The following PTPRD variants were observed in gnomAD, a reference collection of about 807,000 sequenced individuals.
PTPRD encodes the protein receptor-type tyrosine-protein phosphatase delta.
Under a neutral mutation model 214.5 loss-of-function variants are expected in PTPRD, and 34 were observed. The ratio of observed to expected loss-of-function variants is 0.16; its 90% CI spans 0.12 to 0.21. The LOEUF is 0.21. Among genes scored for constraint, PTPRD ranks in the 10% least tolerant of loss-of-function variants. The probability of loss-of-function intolerance (pLI) is 1.00; values close to 1 mark genes in which losing one functional copy is unlikely to be tolerated. For synonymous variants in PTPRD, 1,128 were observed against 845.7 expected (o/e 1.33, Z -5.79); for missense variants, 2,545 against 2,398.7 (o/e 1.06, Z -1.27).
At chr9:10,016,017 C>T (rs2096704412) in intron 4 of PTPRD, among the ~76,000 whole-genome samples, 1 of 152,124 alleles carries the variant, frequency 6.6e-6, no homozygotes, top group Non-Finnish European at 1.5e-5. Context: ...GAGGCAGGTA[C>T]CAGGCTACAA....
chr9:8,596,275 T>C (rs1193416182), intron 14 of PTPRD, among the ~76,000 whole-genome samples: 5 of 152,180 alleles, frequency 3.3e-5, no homozygotes, highest in Admixed American at 2.6e-4. Context: ...ATGGATTATA[T>C]GGATATATGG....
At chr9:9,333,384 G>C (rs1008133108) in intron 9 of PTPRD, among the ~76,000 whole-genome samples, 1 of 151,020 alleles carries the variant, frequency 6.6e-6, no homozygotes, top group African/African-American at 2.4e-5. Context: ...TAAAGACAGA[G>C]AGAGTATGGA....
chr9:9,699,915 C>G (rs989936034), intron 7 of PTPRD, among the ~76,000 whole-genome samples: 3 of 152,108 alleles, frequency 2.0e-5, no homozygotes, highest in African/African-American at 7.2e-5. Context: ...TGAGATAACC[C>G]TGTACAGCAG....
In PTPRD at chr9:10,181,942, TAAAAAAAAAAAAAA is replaced by T. The variant is rs3075573; in HGVS notation, c.-544-148166_-544-148153del. Among the ~76,000 whole-genome samples, 2 of 38,512 alleles carry T rather than the reference TAAAAAAAAAAAAAA, an allele frequency of 5.2e-5. 1 individual carries two copies. The highest frequency in any genetic ancestry group is 1.1e-4 in the Non-Finnish European group (2 of 17,974). The allele number at this position is 38,512 out of a possible 152,430, so 25.3% of individuals were successfully genotyped here. A position where few individuals can be genotyped will look rare whatever the true frequency, so the allele number is the denominator to read the frequency against. On this transcript the variant is annotated intron_variant, in intron 3 of 45. Coordinates refer to ENST00000381196, the MANE Select transcript of PTPRD (RefSeq NM_002839.4). ...AAATATGACTATGTATCATAAATAC[TAAAAAAAAAAAAAA>T]AAAAAAAAAAAAGGAATGGCTGGGT...
chr9:9,042,734 C>G (rs1406039545), intron 10 of PTPRD, among the ~76,000 whole-genome samples: 1 of 146,792 alleles, frequency 6.8e-6, no homozygotes, highest in African/African-American at 2.5e-5. Context: ...TGACCATATT[C>G]TAAAGAAGTT....
chr9:10,509,832 A>G (rs949256780), intron 2 of PTPRD, among the ~76,000 whole-genome samples: 6 of 151,754 alleles, frequency 4.0e-5, no homozygotes, highest in Admixed American at 1.3e-4. Flanking sequence ...ATATGCATGT[A>G]TACCAACTCA....
Position 10,339,730 on chromosome 9 carries a change from T to G in PTPRD, c.-545+1233A>C, listed in dbSNP as rs1485809577. On this transcript the variant is annotated intron_variant, in intron 3 of 45. Transcript: ENST00000381196. ...AGAAGTCCTGTTATCTTTAAGAGAT[T>G]AACAGGAAACCTTGGTCTCATTATT... 2.0e-5 allele frequency among the ~76,000 whole-genome samples: 3 copies of G among 151,786 alleles called. No individual in the cohort carries two copies. In the East Asian group the frequency reaches 5.8e-4, roughly 30 times the overall value.
rs201231262 is a variant in PTPRD, at chr9:10,236,834, T to G, written c.-545+104129A>C. 1.7e-4 allele frequency among the ~76,000 whole-genome samples: 26 copies of G among 152,090 alleles called. No individual in the cohort carries two copies. In the East Asian group the frequency reaches 4.5e-3, roughly 26 times the overall value. On this transcript the variant is annotated intron_variant, in intron 3 of 45. Coordinates refer to ENST00000381196, the MANE Select transcript of PTPRD (RefSeq NM_002839.4). ...CATAATCCAGTAACTATGTACAATATTTTAATATTTTAAGGTTAATTTTTG... is the reference window on the plus strand; with the variant it reads ...CATAATCCAGTAACTATGTACAATAGTTTAATATTTTAAGGTTAATTTTTG...
intron 10 of PTPRD, among the ~76,000 whole-genome samples, chr9:9,044,779 A>G (rs1467506697): frequency 6.6e-6 from 1 of 151,912 alleles, no homozygotes; most frequent in African/African-American, 2.4e-5. Flanking sequence ...CCTTTTTTCC[A>G]TTTATTTTTC....
chr9:9,459,689 T>G (rs557157143), intron 8 of PTPRD, among the ~76,000 whole-genome samples: 1 of 152,080 alleles, frequency 6.6e-6, no homozygotes, highest in African/African-American at 2.4e-5. Context: ...AGGAAAGAAA[T>G]CACAGATGTC....
At chr9:10,522,119 T>G (rs1164825636) in intron 2 of PTPRD, among the ~76,000 whole-genome samples, 3 of 152,268 alleles carry the variant, frequency 2.0e-5, no homozygotes, top group Admixed American at 6.5e-5. Context: ...GGTACCTGAC[T>G]TCAAATACCG....
intron 12 of PTPRD, among the ~76,000 whole-genome samples, chr9:8,686,637 T>C (rs149630497): frequency 5.0e-4 from 76 of 152,294 alleles, no homozygotes; most frequent in Middle Eastern, 3.4e-3. Flanking sequence ...CTGGCAAAGC[T>C]AGGATCGGAA....
intron 2 of PTPRD, among the ~76,000 whole-genome samples, chr9:10,554,607 T>G (rs1590789878): frequency 6.6e-6 from 1 of 152,186 alleles, no homozygotes; most frequent in African/African-American, 2.4e-5. Context: ...ATTAACATTT[T>G]TATACATCCC....
intron 4 of PTPRD, among the ~76,000 whole-genome samples, chr9:9,995,756 A>C (rs1423258834): frequency 3.9e-5 from 6 of 152,142 alleles, no homozygotes; most frequent in Admixed American, 3.9e-4. Context: ...ACCCTGTCAG[A>C]CATGTTTATT....
At chr9:10,410,270 T>TATATATATATATATACAC (rs532202941) in intron 2 of PTPRD, among the ~76,000 whole-genome samples, 6 of 139,852 alleles carry the variant, frequency 4.3e-5, no homozygotes, top group African/African-American at 1.5e-4. Context: ...TATATATATA[T>TATATATATATATATACAC]ACACACACAC....
At chr9:9,776,517 A>T (rs572680597) in intron 5 of PTPRD, among the ~76,000 whole-genome samples, 104 of 152,222 alleles carry the variant, frequency 6.8e-4, no homozygotes, top group Non-Finnish European at 1.3e-3. Context: ...CTGAGAAAAC[A>T]TCTGTTGAAT....
intron 2 of PTPRD, among the ~76,000 whole-genome samples, chr9:10,511,147 C>T (rs763759066): frequency 6.6e-6 from 1 of 152,068 alleles, no homozygotes; most frequent in Non-Finnish European, 1.5e-5. Flanking sequence ...ATGTGTATAT[C>T]AGAGGTTATT....
intron 10 of PTPRD, among the ~76,000 whole-genome samples, chr9:9,117,649 A>G (rs995700152): frequency 6.6e-6 from 1 of 152,232 alleles, no homozygotes; most frequent in African/African-American, 2.4e-5. Flanking sequence ...TTTACTAAAT[A>G]AAGAAAAGAA....
At chr9:10,044,308 T>C (rs749006185) in intron 3 of PTPRD, among the ~76,000 whole-genome samples, 10 of 151,852 alleles carry the variant, frequency 6.6e-5, no homozygotes, top group Non-Finnish European at 1.5e-4. Context: ...TTTTAGAGGA[T>C]ATAAATTATG....
Sources: allele counts gnomAD v4.1 joint callset (sites outside exome capture counted in the v4.1 genomes callset), GRCh38; gene constraint gnomAD v4.1.1; transcripts MANE v1.5; gene names NCBI Gene and HGNC (gene_info 2026-07-23, HGNC 2026-07-21).